PTCSC3: variants seen among roughly 807,000 people sequenced by gnomAD.
The protein encoded by PTCSC3 is papillary thyroid carcinoma susceptibility candidate 3 (non-protein coding).
chr14:36,142,503 T>A (rs1881446538), intron 3 of PTCSC3, among the ~76,000 whole-genome samples: 2 of 152,174 alleles, frequency 1.3e-5, no homozygotes, highest in South Asian at 4.1e-4. Context: ...TTAGAATAAA[T>A]TAGTAAGTGT....
intron 3 of PTCSC3, among the ~76,000 whole-genome samples, chr14:36,148,296 T>C (rs188707773): frequency 3.0e-4 from 45 of 152,188 alleles, no homozygotes; most frequent in African/African-American, 1.1e-3. Flanking sequence ...CTCAGACTGC[T>C]GTGCTAGCAA....
chr14:36,140,391 C>T (rs1204050142), intron 3 of PTCSC3, among the ~76,000 whole-genome samples: 5 of 152,110 alleles, frequency 3.3e-5, no homozygotes, highest in African/African-American at 9.7e-5. Flanking sequence ...GTATTAAGTC[C>T]GTGTTTACCT....
At chr14:36,176,582 T>C (rs1882291671), upstream of PTCSC3, 1 of 152,048 alleles carries the variant, frequency 6.6e-6, no homozygotes, top group South Asian at 2.1e-4. Flanking sequence ...TACCCACCCC[T>C]GCCAGTATTT....
intron 1 of PTCSC3, among the ~76,000 whole-genome samples, chr14:36,168,961 G>T (rs1882145399): frequency 6.6e-6 from 1 of 152,096 alleles, no homozygotes; most frequent in Non-Finnish European, 1.5e-5. Context: ...ACCAAAAAAT[G>T]CAATTATTAG....
intron 3 of PTCSC3, among the ~76,000 whole-genome samples, chr14:36,139,355 A>G (rs1473954730): frequency 6.6e-6 from 1 of 152,224 alleles, no homozygotes. Context: ...AAAACAGCAT[A>G]TAGTGCACAA....
chr14:36,155,315 T>C, intron 2 of PTCSC3, among the ~76,000 whole-genome samples: 1 of 152,162 alleles, frequency 6.6e-6, no homozygotes, highest in East Asian at 1.9e-4. Context: ...ATTTTGAGGT[T>C]CCACAGTAAA....
At chr14:36,148,853 G>A (rs1881656008) in intron 3 of PTCSC3, among the ~76,000 whole-genome samples, 1 of 152,090 alleles carries the variant, frequency 6.6e-6, no homozygotes. Flanking sequence ...TATTGGCCAT[G>A]GGGTCAGTAG....
intron 1 of PTCSC3, chr14:36,164,063 A>C (rs990642726): frequency 4.6e-4 from 70 of 152,354 alleles, no homozygotes; most frequent in African/African-American, 1.6e-3. Flanking sequence ...ATTTCACTGA[A>C]TAGCTGAATT....
At position 36,159,497 on chromosome 14, in the gene PTCSC3, A is replaced by G. The variant is rs552756727; in HGVS notation, n.231+3127T>C. Among the ~76,000 whole-genome samples the G allele has an allele frequency of 3.3e-4, 50 of 151,866 alleles. No homozygotes were observed. In the East Asian group the frequency reaches 6.2e-3, roughly 19 times the overall value. On this transcript the variant is annotated intron_variant and non_coding_transcript_variant, in intron 2 of 3. Coordinates refer to ENST00000556013, the Ensembl canonical transcript of PTCSC3. ...ACTTATTTATTTCTGCCTTAATTTC[A>G]TTATTTACCCAGTAGTCATTCAGGA...
At chr14:36,156,307 T>G (rs1881824603) in intron 2 of PTCSC3, among the ~76,000 whole-genome samples, 1 of 152,216 alleles carries the variant, frequency 6.6e-6, no homozygotes, top group African/African-American at 2.4e-5. Flanking sequence ...AAGGGCATTG[T>G]GATGAAAGAT....
chr14:36,139,188 AT>A (rs1319769706), intron 3 of PTCSC3, among the ~76,000 whole-genome samples: 1 of 151,978 alleles, frequency 6.6e-6, no homozygotes, highest in East Asian at 1.9e-4. Context: ...TGAACATAGA[AT>A]CTTTATTAAT....
chr14:36,162,258 GAAAA>G (rs58223160), intron 2 of PTCSC3, among the ~76,000 whole-genome samples: 1 of 106,542 alleles, frequency 9.4e-6, no homozygotes, highest in African/African-American at 4.8e-5. Context: ...CTGGGGTATG[GAAAA>G]AAAAAAAAAA....
chr14:36,152,705 C>T (rs1040443965), intron 3 of PTCSC3, among the ~76,000 whole-genome samples: 1 of 151,836 alleles, frequency 6.6e-6, no homozygotes, highest in Non-Finnish European at 1.5e-5. Context: ...ACCAGCATGG[C>T]CAACAAGGTG....
chr14:36,163,307 C>T (rs1224526795), intron 1 of PTCSC3, among the ~76,000 whole-genome samples: 1 of 151,992 alleles, frequency 6.6e-6, no homozygotes. Flanking sequence ...GTCACTGCTC[C>T]CACATCTTCT....
intron 3 of PTCSC3, among the ~76,000 whole-genome samples, chr14:36,145,498 G>A (rs1197698554): frequency 1.3e-5 from 2 of 149,638 alleles, no homozygotes; most frequent in African/African-American, 4.9e-5. Flanking sequence ...TGTGGGATTG[G>A]TGGTGATATC....
chr14:36,170,818 G>T (rs1252024943), intron 1 of PTCSC3, among the ~76,000 whole-genome samples: 1 of 152,096 alleles, frequency 6.6e-6, no homozygotes, highest in African/African-American at 2.4e-5. Flanking sequence ...TGAGGATCCT[G>T]TGGTTTTGAG....
intron 2 of PTCSC3, among the ~76,000 whole-genome samples, chr14:36,154,059 C>A (rs1881778241): frequency 8.8e-6 from 1 of 113,482 alleles, no homozygotes; most frequent in Admixed American, 8.8e-5. Flanking sequence ...ACAGTGGGAC[C>A]CTGTCTCGAA....
chr14:36,165,762 G>A (rs1882074163), intron 1 of PTCSC3, among the ~76,000 whole-genome samples: 2 of 144,538 alleles, frequency 1.4e-5, no homozygotes, highest in South Asian at 4.3e-4. Flanking sequence ...TGGTGTCTTG[G>A]AATATCTGCT....
intron 1 of PTCSC3, among the ~76,000 whole-genome samples, chr14:36,165,722 C>CTTTTTTTTTTTTTTTTT (rs71448056): frequency 8.0e-6 from 1 of 124,820 alleles, no homozygotes. Context: ...TTTATTTTTC[C>CTTTTTTTTTTTTTTTTT]TTTTTTTTTT....
Sources: allele counts gnomAD v4.1 joint callset (sites outside exome capture counted in the v4.1 genomes callset), GRCh38; gene constraint gnomAD v4.1.1; transcripts MANE v1.5; gene names NCBI Gene and HGNC (gene_info 2026-07-23, HGNC 2026-07-21).